Variants in ADAMTSL1 observed in about 807,000 individuals in gnomAD.
The protein encoded by ADAMTSL1 is ADAMTS like 1.
Under a neutral mutation model 201.8 loss-of-function variants are expected in ADAMTSL1, and 126 were observed. The observed-to-expected ratio is 0.62, with a 90% confidence interval of 0.54 to 0.72. The LOEUF is 0.72. ADAMTSL1 is among the 30% of genes least tolerant of loss of function. ADAMTSL1 has a pLI of 0.00. For synonymous variants in ADAMTSL1, 1,121 were observed against 903.4 expected (o/e 1.24, Z -4.32); for missense variants, 2,679 against 2,277.8 (o/e 1.18, Z -3.59).
chr9:18,781,302 C>T (rs1821380808), intron 19 of ADAMTSL1, among the ~76,000 whole-genome samples: 1 of 152,168 alleles, frequency 6.6e-6, no homozygotes, highest in South Asian at 2.1e-4. Context: ...CAGGAACAAA[C>T]AGTTTTTGCT....
At chr9:18,579,809 T>G (rs1274065367) in intron 4 of ADAMTSL1, among the ~76,000 whole-genome samples, 1 of 152,248 alleles carries the variant, frequency 6.6e-6, no homozygotes, top group Admixed American at 6.5e-5. Context: ...GGATCAGTTC[T>G]ATTAGTACTG....
At chr9:18,218,469 A>G (rs1649800534) in intron 2 of ADAMTSL1, among the ~76,000 whole-genome samples, 1 of 152,172 alleles carries the variant, frequency 6.6e-6, no homozygotes, top group African/African-American at 2.4e-5. Flanking sequence ...AAAAAGTTCA[A>G]ACGTTACCAA....
At chr9:18,138,150 A>G (rs766417026) in intron 1 of ADAMTSL1, among the ~76,000 whole-genome samples, 1 of 152,198 alleles carries the variant, frequency 6.6e-6, no homozygotes, top group Non-Finnish European at 1.5e-5. Context: ...GGGAGGGGTG[A>G]TGGAACTCAC....
At chr9:18,103,201 CA>C (rs1824607664) in intron 1 of ADAMTSL1, among the ~76,000 whole-genome samples, 2 of 152,126 alleles carry the variant, frequency 1.3e-5, no homozygotes, top group African/African-American at 2.4e-5. Context: ...TAGAAAAACA[CA>C]TTTTTTTTTC....
chr9:18,208,975 C>T (rs978811942), intron 2 of ADAMTSL1, among the ~76,000 whole-genome samples: 1 of 149,638 alleles, frequency 6.7e-6, no homozygotes, highest in Non-Finnish European at 1.5e-5. Flanking sequence ...TGAATGACTT[C>T]ACAGGGGTTT....
At chr9:17,997,480 G>A (rs1015483771) in intron 1 of ADAMTSL1, among the ~76,000 whole-genome samples, 4 of 151,994 alleles carry the variant, frequency 2.6e-5, no homozygotes, top group Non-Finnish European at 5.9e-5. Flanking sequence ...AAATGAATCC[G>A]TTGAAAATCT....
chr9:18,619,505 G>A (rs1289991170), intron 4 of ADAMTSL1, among the ~76,000 whole-genome samples: 1 of 152,062 alleles, frequency 6.6e-6, no homozygotes, highest in East Asian at 1.9e-4. Context: ...CATATCCTGG[G>A]GTCCGTAAAC....
intron 2 of ADAMTSL1, among the ~76,000 whole-genome samples, chr9:18,308,656 T>G (rs1834000468): frequency 6.6e-6 from 1 of 152,136 alleles, no homozygotes; most frequent in African/African-American, 2.4e-5. Context: ...AATCCCTGAA[T>G]AGACCAATAT....
At chr9:18,873,780 C>A (rs549553738) in intron 23 of ADAMTSL1, among the ~76,000 whole-genome samples, 1 of 152,168 alleles carries the variant, frequency 6.6e-6, no homozygotes, top group South Asian at 2.1e-4. Flanking sequence ...TCTATGTGGG[C>A]TCTTTTTTAG....
At chr9:18,676,775 C>T (rs1373407004) in intron 10 of ADAMTSL1, among the ~76,000 whole-genome samples, 3 of 152,068 alleles carry the variant, frequency 2.0e-5, no homozygotes, top group Non-Finnish European at 2.9e-5. Context: ...GAGTAATCCA[C>T]AGCAGCCTGC....
chr9:17,952,661 A>G (rs568777122), intron 1 of ADAMTSL1, among the ~76,000 whole-genome samples: 17 of 152,196 alleles, frequency 1.1e-4, no homozygotes, highest in South Asian at 2.1e-4. Flanking sequence ...GACCACAGGC[A>G]CACACCACCA....
intron 7 of ADAMTSL1, among the ~76,000 whole-genome samples, chr9:18,647,256 C>T (rs1385681870): frequency 3.3e-5 from 5 of 152,132 alleles, no homozygotes; most frequent in South Asian, 2.1e-4. Context: ...TTTTTTATTG[C>T]ATCTATTTGA....
chr9:18,877,972 T>C (rs933324397), intron 23 of ADAMTSL1, among the ~76,000 whole-genome samples: 1 of 152,124 alleles, frequency 6.6e-6, no homozygotes, highest in Non-Finnish European at 1.5e-5. Context: ...GGATTGGGTG[T>C]AGTTCTCAGG....
intron 1 of ADAMTSL1, among the ~76,000 whole-genome samples, chr9:17,980,708 C>G (rs1818654730): frequency 6.6e-6 from 1 of 152,088 alleles, no homozygotes; most frequent in Non-Finnish European, 1.5e-5. Context: ...GGATCACTGT[C>G]TTGGCCATAT....
chr9:17,991,701 G>C (rs1226130906), intron 1 of ADAMTSL1, among the ~76,000 whole-genome samples: 2 of 152,152 alleles, frequency 1.3e-5, no homozygotes, highest in Non-Finnish European at 2.9e-5. Flanking sequence ...CTTGCATGAA[G>C]TCCCTCTCCC....
intron 9 of ADAMTSL1, among the ~76,000 whole-genome samples, chr9:18,675,383 A>G (rs1179573818): frequency 6.6e-6 from 1 of 152,186 alleles, no homozygotes; most frequent in African/African-American, 2.4e-5. Flanking sequence ...ATGCAGTTAC[A>G]TAGTATTGTC....
At chr9:18,649,155 T>C (rs535102594) in intron 7 of ADAMTSL1, among the ~76,000 whole-genome samples, 1 of 152,374 alleles carries the variant, frequency 6.6e-6, no homozygotes, top group East Asian at 1.9e-4. Context: ...CCCTGACTGA[T>C]AACCTTTCTT....
chr9:18,691,138 AGAGTTACT>A (rs1831190385), intron 13 of ADAMTSL1, among the ~76,000 whole-genome samples: 1 of 152,220 alleles, frequency 6.6e-6, no homozygotes, highest in Non-Finnish European at 1.5e-5. Flanking sequence ...ATATCATGAG[AGAGTTACT>A]GATTTAAAAA....
At chr9:18,893,194 C>T (rs1242693540) in intron 26 of ADAMTSL1, among the ~76,000 whole-genome samples, 2 of 152,176 alleles carry the variant, frequency 1.3e-5, no homozygotes, top group East Asian at 3.9e-4. Context: ...CTTTCTCCTA[C>T]CTGGAAAAGC....
Sources: allele counts gnomAD v4.1 joint callset (sites outside exome capture counted in the v4.1 genomes callset), GRCh38; gene constraint gnomAD v4.1.1; transcripts MANE v1.5; gene names NCBI Gene and HGNC (gene_info 2026-07-23, HGNC 2026-07-21).